Variants in CADM3 observed in about 807,000 individuals in gnomAD.
CADM3 encodes the protein TSLC1-like 1.
In CADM3, 11 loss-of-function variants were observed where a neutral mutation model predicts 44.9. That is an observed-to-expected ratio of 0.25 (90% CI 0.15 to 0.41). The LOEUF (loss-of-function observed/expected upper bound fraction) is 0.41, where lower values mean the gene tolerates loss of function less well. CADM3 is among the 10% of genes least tolerant of loss of function. The pLI, the probability that CADM3 is intolerant of heterozygous loss-of-function variation, is 1.00. For synonymous variants in CADM3, 207 were observed against 205.2 expected, an observed-to-expected ratio of 1.01 and a Z score of -0.08; for missense variants, 426 against 512.0, an observed-to-expected ratio of 0.83 and a Z score of 1.62.
chr1:159,193,274 C>A, intron 3 of CADM3, 149 bp from the exon 4 acceptor site: 2 of 888,726 alleles, frequency 2.3e-6, no homozygotes, highest in Non-Finnish European at 3.4e-6. Context: ...GGGAGGAGAT[C>A]AAAAAGAAAG....
At chr1:159,191,890 AG>A in intron 1 of CADM3, 45 bp from the exon 2 acceptor site, 2 of 1,610,898 alleles carry the variant, frequency 1.2e-6, no homozygotes, top group Non-Finnish European at 1.7e-6. Flanking sequence ...AAATGGGAGG[AG>A]GGGCTAGGGG....
intron 2 of CADM3, 118 bp from the exon 3 acceptor site, chr1:159,192,460 A>AT (rs1649704780): frequency 1.7e-6 from 2 of 1,181,690 alleles, no homozygotes; most frequent in South Asian, 1.3e-5. Context: ...AGGAGCAGTT[A>AT]TTTTTTCCCC....
chr1:159,184,907 T>A (rs1649361891), intron 1 of CADM3, among the ~76,000 whole-genome samples: 1 of 152,112 alleles, frequency 6.6e-6, no homozygotes, highest in South Asian at 2.1e-4. Context: ...ATATGAACAA[T>A]CAATAAGAAG....
chr1:159,199,962 G>T, intron 8 of CADM3, 86 bp downstream of exon 8: 1 of 1,515,206 alleles, frequency 6.6e-7, no homozygotes, highest in Non-Finnish European at 9.0e-7. Flanking sequence ...GCAGACAGTG[G>T]AAAGGGCCTT....
intron 6 of CADM3, 66 bp downstream of exon 6, chr1:159,196,520 A>G (rs1210402513): frequency 7.8e-7 from 1 of 1,282,696 alleles, no homozygotes; most frequent in East Asian, 2.4e-5. Context: ...TCTTCACATA[A>G]CAGCTCCTTC....
intron 1 of CADM3, among the ~76,000 whole-genome samples, chr1:159,174,950 A>G (rs1382487457): frequency 1.3e-5 from 2 of 152,222 alleles, no homozygotes; most frequent in African/African-American, 4.8e-5. Context: ...TTTGTTTCAG[A>G]TAAGGTTATA....
At chr1:159,186,373 C>T (rs1649418224) in intron 1 of CADM3, among the ~76,000 whole-genome samples, 1 of 152,164 alleles carries the variant, frequency 6.6e-6, no homozygotes, top group African/African-American at 2.4e-5. Context: ...CTCTCTTCAT[C>T]TGTTCTTCTA....
chr1:159,190,322 C>T lies in CADM3; in HGVS notation c.89-1614C>T, dbSNP rs190361521. Among the ~76,000 whole-genome samples the T allele has an allele frequency of 3.9e-5, 6 of 152,276 alleles. No homozygotes were observed. In the East Asian group the frequency reaches 1.2e-3, roughly 29 times the overall value. ...TACTCAGCCAGCTCAGTCCATGGTA[C>T]ACTAATCTCAAAATCATAGTTTTAA... is the stretch of plus-strand genomic sequence containing the variant. On this transcript the variant is annotated intron_variant, in intron 1 of 8. Coordinates refer to ENST00000368125, the MANE Select transcript of CADM3 (RefSeq NM_001127173.3).
rs116765814 is a variant in CADM3, at chr1:159,185,994, G to A, written c.89-5942G>A. Among the ~76,000 whole-genome samples, 1,352 of 152,328 alleles carry A rather than the reference G, an allele frequency of 8.9e-3. 23 individuals carry two copies. The highest frequency in any genetic ancestry group is 0.031 in the African/African-American group (1,272 of 41,572). On this transcript the variant is annotated intron_variant, in intron 1 of 8. Coordinates refer to ENST00000368125, the MANE Select transcript of CADM3 (RefSeq NM_001127173.3). ...CAGATAAAGTGTGTAACTCAGAGAAGTGGGGAATTATTTCAATCTGGGACA... is the reference window on the plus strand; with the variant it reads ...CAGATAAAGTGTGTAACTCAGAGAAATGGGGAATTATTTCAATCTGGGACA...
At chr1:159,189,090 C>T (rs1415041848) in intron 1 of CADM3, among the ~76,000 whole-genome samples, 1 of 152,190 alleles carries the variant, frequency 6.6e-6, no homozygotes, top group African/African-American at 2.4e-5. Context: ...CATGGTACAA[C>T]TTTCAGCCCT....
At chr1:159,198,085 G>A (rs1010952743) in intron 7 of CADM3, 2 of 152,242 alleles carry the variant, frequency 1.3e-5, no homozygotes, top group African/African-American at 4.8e-5. Context: ...TTGGTATCTT[G>A]CTGATCTCCC....
Position 159,199,856 on chromosome 1 carries a change from A to G in CADM3, c.1058A>G (p.His353Arg). The G allele has an allele frequency of 1.2e-6, 2 of 1,613,948 alleles. No individual in the cohort carries two copies. The highest frequency in any genetic ancestry group is 1.1e-5 in the South Asian group (1 of 91,048). Residue 353 changes from histidine to arginine, a missense_variant, in exon 8 of 9, where the codon CAC (histidine) becomes CGC (arginine). Physicochemically the swap from His to Arg is conservative, Grantham distance 29. Transcript: ENST00000368125. ...CTCATCATGCTCATCTTCCTTGGCC[A>G]CTACTTGATCCGGCACAAAGGTCAG... is the stretch of plus-strand genomic sequence containing the variant. Reference protein sequence around the residue: ...LLLIMLIFLGHYLIRHKGTYL... With the variant: ...LLLIMLIFLGRYLIRHKGTYL...
chr1:159,192,481 C>T lies in CADM3; in HGVS notation c.230-97C>T, dbSNP rs186510837. The T allele has an allele frequency of 7.6e-5, 110 of 1,445,222 alleles. 1 individual carries two copies. In the East Asian group the frequency reaches 2.4e-3, roughly 32 times the overall value. 89.5% of individuals were successfully genotyped at this position (1,445,222 alleles called of 1,614,324 possible). A position where few individuals can be genotyped will look rare whatever the true frequency, so the allele number is the denominator to read the frequency against. On this transcript the variant is annotated intron_variant, in intron 2 of 8. Coordinates refer to ENST00000368125, the MANE Select transcript of CADM3 (RefSeq NM_001127173.3). ...AGTTATTTTTTCCCCACCCACCATA[C>T]TAGACCCCTTCCCCCAAAGAAGCTG...
chr1:159,173,714 G>A (rs975983858), intron 1 of CADM3, among the ~76,000 whole-genome samples: 1 of 152,122 alleles, frequency 6.6e-6, no homozygotes, highest in Admixed American at 6.5e-5. Flanking sequence ...GTTTTATGAC[G>A]AGAGGCAAAT....
chr1:159,197,138 A>G lies in CADM3; in HGVS notation c.952+78A>G, dbSNP rs529096297. On this transcript the variant is annotated intron_variant, in intron 7 of 8. Transcript: ENST00000368125. ...ATTCCCTTTTTTAAAATGCTTCCTGATAACATCCCCAAACTGTGACGGGGA... is the reference window on the plus strand; with the variant it reads ...ATTCCCTTTTTTAAAATGCTTCCTGGTAACATCCCCAAACTGTGACGGGGA... 163 of 1,469,358 alleles carry G rather than the reference A, an allele frequency of 1.1e-4. No individual in the cohort carries two copies. In the Middle Eastern group the frequency reaches 2.5e-3, roughly 22 times the overall value. 91.0% of individuals were successfully genotyped at this position (1,469,358 alleles called of 1,614,324 possible).
chr1:159,172,773 G>A (rs754762821), intron 1 of CADM3, among the ~76,000 whole-genome samples: 6 of 152,114 alleles, frequency 3.9e-5, no homozygotes, highest in Non-Finnish European at 7.4e-5. Flanking sequence ...GGGGAGAAAG[G>A]AGGCGGGGCC....
chr1:159,200,854 G>C lies in CADM3; in HGVS notation c.1129G>C (p.Asp377His). ...AGGCTCCGACGATGCTCCAGACGCG[G>C]ACACGGCCATCATCAATGCAGAAGG... is the stretch of plus-strand genomic sequence containing the variant. The part of the protein sequence containing the change: ...AKGSDDAPDA[D>H]TAIINAEGGQ... The change falls in exon 9 of 9, where the codon GAC becomes CAC. Residue 377 changes from aspartate to histidine, a missense_variant. Asp to His is a moderately conservative substitution (Grantham distance 81). Transcript: ENST00000368125. 6.2e-7 allele frequency: 1 copy of C among 1,611,994 alleles called. No individual in the cohort carries two copies. Among genetic ancestry groups the C allele is most frequent in the South Asian group, 1.1e-5 (1 of 90,790 alleles).
chr1:159,177,100 C>T (rs545044846), intron 1 of CADM3, among the ~76,000 whole-genome samples: 97 of 152,180 alleles, frequency 6.4e-4, no homozygotes, highest in African/African-American at 2.1e-3. Context: ...CTCTCTGTTC[C>T]CTCTTTAGAA....
chr1:159,196,585 A>C, intron 6 of CADM3, 131 bp downstream of exon 6: 1 of 752,724 alleles, frequency 1.3e-6, no homozygotes. Context: ...CTGTCCAATA[A>C]TGTCCGCCTG....
Sources: gnomAD v4.1 joint callset for allele counts (sites outside exome capture counted in the v4.1 genomes callset) on GRCh38, gnomAD v4.1.1 for gene constraint, MANE v1.5 for transcripts, NCBI Gene and HGNC (gene_info 2026-07-23, HGNC 2026-07-21) for gene names.